The following EXOSC10 variants were observed in gnomAD, a reference collection of about 807,000 sequenced individuals.
EXOSC10 encodes exosome complex component 10.
A neutral mutation model predicts 126.6 loss-of-function variants in EXOSC10; 94 were observed. The observed-to-expected ratio is 0.74, with a 90% CI of 0.63 to 0.88. The LOEUF (loss-of-function observed/expected upper bound fraction) is 0.88. Among genes scored for constraint, EXOSC10 ranks in the 40% least tolerant of loss-of-function variants. The pLI is 0.00. For synonymous variants in EXOSC10, 395 were observed against 400.8 expected (o/e 0.99, Z 0.17); for missense variants, 1,041 against 1,100.5 (o/e 0.95, Z 0.77).
chr1:11,068,788 A>G (rs1214347197), intron 22 of EXOSC10, 82 bp from the exon 23 acceptor site: 3 of 1,120,566 alleles, frequency 2.7e-6, no homozygotes, highest in Admixed American at 1.7e-5. Context: ...GGCCGGGACC[A>G]TGACACTCAG....
chr1:11,079,702 G>C lies in EXOSC10; in HGVS notation c.1749+9C>G, dbSNP rs755272576. The C allele has an allele frequency of 5.0e-6, 8 of 1,610,126 alleles. No homozygotes were observed. Among genetic ancestry groups the C allele is most frequent in the South Asian group, 1.1e-5 (1 of 90,518 alleles). On this transcript the variant is annotated intron_variant, in intron 14 of 24. Coordinates refer to ENST00000376936, the MANE Select transcript of EXOSC10 (RefSeq NM_001001998.3). ...AGCCACTGTGCCCAGCCGCAGAAAA[G>C]CTTCTTACCTTGAGCAGGGGCATCT...
intron 18 of EXOSC10, 97 bp downstream of exon 18, chr1:11,074,134 G>A (rs540681088): frequency 9.4e-6 from 13 of 1,376,464 alleles, no homozygotes; most frequent in South Asian, 2.3e-5. Context: ...CAGGGCAGCC[G>A]ACACACTGGC....
intron 10 of EXOSC10, among the ~76,000 whole-genome samples, chr1:11,082,326 T>TACACAC (rs575436834): frequency 4.6e-5 from 7 of 151,200 alleles, no homozygotes; most frequent in African/African-American, 1.4e-4. Flanking sequence ...AAGGTCATCT[T>TACACAC]GCACACACAC....
rs199805811 is a variant in EXOSC10 at position 11,099,869 on chromosome 1, C to A, written c.-38G>T. 6.4e-7 allele frequency: 1 copy of A among 1,560,860 alleles called. No homozygotes were observed. Among genetic ancestry groups the A allele is most frequent in the South Asian group, 1.2e-5 (1 of 85,886 alleles). On this transcript the variant is annotated 5_prime_UTR_variant, in exon 1 of 25. Transcript: ENST00000376936. ...CACGGCTCGTCTCGCGAGAGCTTGT[C>A]GGCCGAGGAGACGGGACGCGTGCGC...
At chr1:11,095,658 G>C in intron 3 of EXOSC10, 100 bp downstream of exon 3, 1 of 1,083,712 alleles carries the variant, frequency 9.2e-7, no homozygotes, top group Non-Finnish European at 1.4e-6. Flanking sequence ...AGCTTGCAGT[G>C]AGTCGAGATC....
chr1:11,079,905 A>G, intron 13 of EXOSC10, 83 bp from the exon 14 acceptor site: 1 of 1,133,642 alleles, frequency 8.8e-7, no homozygotes, highest in South Asian at 1.3e-5. Context: ...ATGACTGGGT[A>G]AAGCCAGGCT....
At chr1:11,089,010 C>A (rs1171963846) in intron 6 of EXOSC10, among the ~76,000 whole-genome samples, 6 of 151,892 alleles carry the variant, frequency 4.0e-5, no homozygotes, top group East Asian at 1.9e-4. Context: ...TGCTTGAGGC[C>A]AGGAGTTTCA....
chr1:11,092,164 T>G (rs924818860), intron 3 of EXOSC10, among the ~76,000 whole-genome samples: 2 of 152,366 alleles, frequency 1.3e-5, no homozygotes, highest in Admixed American at 1.3e-4. Flanking sequence ...TACAATGATG[T>G]GAAAGTGATT....
At position 11,081,104 on chromosome 1, in the gene EXOSC10, C is replaced by T. The variant is rs773990428; in HGVS notation, c.1415G>A (p.Arg472Gln). Residue 472 changes from arginine to glutamine, a missense_variant, in exon 11 of 25, where the codon CGG becomes CAG. By Grantham distance (43) the Arg-to-Gln change is conservative. Transcript: ENST00000376936. ...QPVQLQVVWQ[R>Q]SRDICLKKFI... The stretch of plus-strand genomic sequence containing the variant: ...TACCTTGAGGCAGATGTCCCTGCTC[C>T]GTTGCCACACCACCTGCAGCTGCAC... The T allele has an allele frequency of 3.5e-5, 57 of 1,614,072 alleles. No homozygotes were observed. The highest frequency in any genetic ancestry group is 3.3e-4 in the Middle Eastern group (2 of 6,084).
chr1:11,099,478 G>A (rs1003873552), intron 1 of EXOSC10, among the ~76,000 whole-genome samples: 3 of 152,242 alleles, frequency 2.0e-5, no homozygotes, highest in East Asian at 1.9e-4. Flanking sequence ...CCCAGGATGC[G>A]AGACGGCTTT....
rs756488116 is a variant in EXOSC10, at chr1:11,076,851, C to T, written c.1977G>A (p.Thr659=). The T allele has an allele frequency of 1.7e-5, 27 of 1,609,622 alleles. No individual in the cohort carries two copies. The highest frequency in any genetic ancestry group is 9.4e-5 in the African/African-American group (7 of 74,862). The change falls in exon 17 of 25, where the codon ACG becomes ACA. Residue 659 remains threonine (T), a synonymous_variant. Coordinates refer to ENST00000376936, the MANE Select transcript of EXOSC10 (RefSeq NM_001001998.3). The part of the protein sequence containing the change: ...TTCLIATAVI[T]LFNEPSAEDS... ...TTTCTGTGCTACTCACATTAAATAACGTGATGACAGCTGTGGCAATCAGGC... is the reference window on the plus strand; with the variant it reads ...TTTCTGTGCTACTCACATTAAATAATGTGATGACAGCTGTGGCAATCAGGC...
At chr1:11,069,797 C>T (rs910739167) in intron 21 of EXOSC10, 67 bp from the exon 22 acceptor site, 3 of 1,549,704 alleles carry the variant, frequency 1.9e-6, no homozygotes, top group African/African-American at 2.8e-5. Flanking sequence ...CTCCACCGGC[C>T]TCAGCAATAG....
At chr1:11,075,853 CAAAAAAAAAAAAAA>C (rs58667041) in intron 17 of EXOSC10, among the ~76,000 whole-genome samples, 52 of 35,122 alleles carry the variant, frequency 1.5e-3, no homozygotes, top group Non-Finnish European at 2.2e-3. Flanking sequence ...GATCCTGTCA[CAAAAAAAAAAAAAA>C]AAAAAAAAAA....
At chr1:11,079,260 C>T (rs927512601) in intron 14 of EXOSC10, among the ~76,000 whole-genome samples, 11 of 149,970 alleles carry the variant, frequency 7.3e-5, no homozygotes, top group South Asian at 2.1e-4. Context: ...ATCCAGGAGG[C>T]GGAGGTTGCA....
At chr1:11,086,839 T>C (rs1431096793) in intron 9 of EXOSC10, among the ~76,000 whole-genome samples, 1 of 152,168 alleles carries the variant, frequency 6.6e-6, no homozygotes, top group African/African-American at 2.4e-5. Flanking sequence ...GGGAAATTTA[T>C]AGCACTAAAT....
chr1:11,087,569 A>T lies in EXOSC10; in HGVS notation c.968T>A (p.Leu323Gln). The T allele has an allele frequency of 1.2e-6, 2 of 1,614,156 alleles. No homozygotes were observed. Among genetic ancestry groups the T allele is most frequent in the East Asian group, 2.2e-5 (1 of 44,876 alleles). The change falls in exon 9 of 25, where the codon CTG becomes CAG. Residue 323 changes from leucine to glutamine, a missense_variant. Leu to Gln is a moderately radical substitution (Grantham distance 113). Coordinates refer to ENST00000376936, the MANE Select transcript of EXOSC10 (RefSeq NM_001001998.3). ...DLEHHSYRSF[L>Q]GLTCLMQIST... The stretch of plus-strand genomic sequence containing the variant: ...AATTTGCATCAGGCAGGTCAGTCCC[A>T]GGAAGCTCCTGTAAGAGTGGTGCTA...
chr1:11,089,621 CAA>C (rs1228653546), intron 6 of EXOSC10, among the ~76,000 whole-genome samples: 16 of 98,228 alleles, frequency 1.6e-4, no homozygotes, highest in East Asian at 2.8e-4. Flanking sequence ...AACTCCGTCC[CAA>C]AAAAAAAAAA....
chr1:11,081,914 C>T (rs931427216), intron 10 of EXOSC10, among the ~76,000 whole-genome samples: 13 of 152,090 alleles, frequency 8.5e-5, no homozygotes, highest in African/African-American at 3.1e-4. Context: ...GAAACCTCGT[C>T]TCTACTGGAA....
intron 9 of EXOSC10, among the ~76,000 whole-genome samples, chr1:11,086,257 CT>C (rs1037043342): frequency 6.6e-6 from 1 of 151,954 alleles, no homozygotes; most frequent in Non-Finnish European, 1.5e-5. Context: ...GTCCTAGACT[CT>C]TTTTGGTTGG....
Sources: allele counts gnomAD v4.1 joint callset (sites outside exome capture counted in the v4.1 genomes callset), GRCh38; gene constraint gnomAD v4.1.1; transcripts MANE v1.5; gene names NCBI Gene and HGNC (gene_info 2026-07-23, HGNC 2026-07-21).